The following NSMCE2 variants were observed in gnomAD, a reference collection of about 807,000 sequenced individuals.
The protein encoded by NSMCE2 is E3 SUMO-protein ligase NSE2.
A neutral mutation model predicts 23.8 loss-of-function variants in NSMCE2; 24 were observed. The observed-to-expected ratio is 1.01, with a 90% CI of 0.73 to 1.42. The LOEUF (loss-of-function observed/expected upper bound fraction) is 1.42. NSMCE2 is among the 40% of genes most tolerant of loss of function. The pLI is 0.00. For synonymous variants in NSMCE2, 92 were observed against 94.1 expected, an observed-to-expected ratio of 0.98 and a Z score of 0.13; for missense variants, 284 against 296.5, an observed-to-expected ratio of 0.96 and a Z score of 0.31.
chr8:125,344,742 CA>C (rs11389668), intron 5 of NSMCE2, among the ~76,000 whole-genome samples: 19 of 142,434 alleles, frequency 1.3e-4, no homozygotes, highest in Admixed American at 1.4e-4. Context: ...GACTTCATCT[CA>C]AAAAAAAAAA....
chr8:125,122,620 G>A (rs1307922137), intron 3 of NSMCE2, among the ~76,000 whole-genome samples: 1 of 152,086 alleles, frequency 6.6e-6, no homozygotes, highest in South Asian at 2.1e-4. Flanking sequence ...ATAAGCTTAA[G>A]TATCATCTTT....
intron 5 of NSMCE2, among the ~76,000 whole-genome samples, chr8:125,351,045 C>G (rs1270751976): frequency 6.6e-6 from 1 of 152,020 alleles, no homozygotes; most frequent in Non-Finnish European, 1.5e-5. Context: ...GCAGAACCTA[C>G]TAGTGGATTG....
At chr8:125,346,665 T>A (rs1026196656) in intron 5 of NSMCE2, among the ~76,000 whole-genome samples, 2 of 152,202 alleles carry the variant, frequency 1.3e-5, no homozygotes, top group Non-Finnish European at 2.9e-5. Context: ...CCTTTTCTTA[T>A]AAGAGGTATT....
chr8:125,366,281 C>T (rs901195960), intron 7 of NSMCE2, among the ~76,000 whole-genome samples: 4 of 152,192 alleles, frequency 2.6e-5, no homozygotes, highest in South Asian at 2.1e-4. Flanking sequence ...TGGCTCACGC[C>T]GGTAATCCCA....
chr8:125,217,981 GTC>G (rs1824677684), intron 5 of NSMCE2, among the ~76,000 whole-genome samples: 2 of 152,056 alleles, frequency 1.3e-5, no homozygotes, highest in African/African-American at 4.8e-5. Flanking sequence ...TAAAGCAGAA[GTC>G]TCTACGCTAT....
intron 5 of NSMCE2, among the ~76,000 whole-genome samples, chr8:125,223,694 G>A (rs1318938094): frequency 1.3e-5 from 2 of 151,876 alleles, no homozygotes; most frequent in African/African-American, 2.4e-5. Flanking sequence ...TTATCTCTTC[G>A]TGATTTTAAT....
intron 5 of NSMCE2, among the ~76,000 whole-genome samples, chr8:125,191,214 G>T (rs1338197505): frequency 6.6e-6 from 1 of 152,082 alleles, no homozygotes; most frequent in Non-Finnish European, 1.5e-5. Flanking sequence ...CTATTAGATG[G>T]CTGTATCCAT....
chr8:125,221,953 C>T (rs1824880408), intron 5 of NSMCE2, among the ~76,000 whole-genome samples: 3 of 152,218 alleles, frequency 2.0e-5, no homozygotes, highest in South Asian at 2.1e-4. Flanking sequence ...AAAGTAGACA[C>T]TCAATAAAAA....
chr8:125,343,744 C>G (rs920478869), intron 5 of NSMCE2, among the ~76,000 whole-genome samples: 2 of 152,114 alleles, frequency 1.3e-5, no homozygotes, highest in Admixed American at 6.5e-5. Flanking sequence ...GCCTGTAATC[C>G]CAGCACTTTG....
At chr8:125,310,574 T>G (rs1828938849) in intron 5 of NSMCE2, among the ~76,000 whole-genome samples, 1 of 152,210 alleles carries the variant, frequency 6.6e-6, no homozygotes, top group Non-Finnish European at 1.5e-5. Flanking sequence ...TACATTTAAA[T>G]TCCCGGTTAC....
chr8:125,357,522 A>G (rs948552752), intron 6 of NSMCE2, among the ~76,000 whole-genome samples, 190 bp from the exon 7 acceptor site: 1 of 152,254 alleles, frequency 6.6e-6, no homozygotes, highest in African/African-American at 2.4e-5. Flanking sequence ...ATCCGGGACT[A>G]AAGTCATGGC....
chr8:125,292,495 A>G (rs2131167300), intron 5 of NSMCE2, among the ~76,000 whole-genome samples: 1 of 152,226 alleles, frequency 6.6e-6, no homozygotes, highest in African/African-American at 2.4e-5. Flanking sequence ...CGGAGATTGC[A>G]GTGAGCTGAG....
In NSMCE2 at chr8:125,312,088, A is replaced by G. The variant is rs534039828; in HGVS notation, c.419-45131A>G. ...CTCCATCTCAATTAAAAAAAAAAAA[A>G]AAAAAGAAAGAAAAGAAAAGAAGAT... On this transcript the variant is annotated intron_variant, in intron 5 of 7. Transcript: ENST00000287437. Among the ~76,000 whole-genome samples, 5 of 150,228 alleles carry G rather than the reference A, an allele frequency of 3.3e-5. No individual in the cohort carries two copies. The East Asian group carries it at 9.7e-4, about 29-fold the overall frequency.
chr8:125,116,797 A>T (rs1819025747), intron 3 of NSMCE2, among the ~76,000 whole-genome samples: 1 of 152,204 alleles, frequency 6.6e-6, no homozygotes, highest in African/African-American at 2.4e-5. Context: ...GCCACAGAAC[A>T]AAGCATAGTG....
chr8:125,096,634 C>T (rs1304814944), intron 1 of NSMCE2, among the ~76,000 whole-genome samples: 28 of 80,434 alleles, frequency 3.5e-4, no homozygotes, highest in African/African-American at 4.7e-4. Flanking sequence ...GTGTGGAATC[C>T]TTTTTTTTTT....
chr8:125,339,002 C>A (rs1030018048), intron 5 of NSMCE2, among the ~76,000 whole-genome samples: 3 of 152,184 alleles, frequency 2.0e-5, no homozygotes, highest in African/African-American at 7.2e-5. Context: ...CAAAGTGCCT[C>A]ATCACAAGAT....
At chr8:125,224,648 T>A (rs908785010) in intron 5 of NSMCE2, among the ~76,000 whole-genome samples, 1 of 152,212 alleles carries the variant, frequency 6.6e-6, no homozygotes, top group Non-Finnish European at 1.5e-5. Context: ...TCTATTCTGT[T>A]CCAGTGGTTG....
intron 5 of NSMCE2, among the ~76,000 whole-genome samples, chr8:125,191,020 G>T (rs561649489): frequency 1.3e-5 from 2 of 152,126 alleles, no homozygotes; most frequent in East Asian, 3.9e-4. Context: ...ACAGGCACCC[G>T]CCACGCCACC....
chr8:125,294,018 ATCTC>A (rs1828224725), intron 5 of NSMCE2, among the ~76,000 whole-genome samples: 1 of 152,102 alleles, frequency 6.6e-6, no homozygotes, highest in Non-Finnish European at 1.5e-5. Flanking sequence ...TCTACTTTCT[ATCTC>A]TATTTGCTGT....
Sources: gnomAD v4.1 joint callset for allele counts (sites outside exome capture counted in the v4.1 genomes callset) on GRCh38, gnomAD v4.1.1 for gene constraint, MANE v1.5 for transcripts, NCBI Gene and HGNC (gene_info 2026-07-23, HGNC 2026-07-21) for gene names.